KMT2D: variants seen among roughly 807,000 people sequenced by gnomAD.
The protein encoded by KMT2D is lysine methyltransferase 2D.
KMT2D carries 55 observed loss-of-function variants against 512.7 expected under a neutral mutation model. That is an observed-to-expected ratio of 0.11 (90% CI 0.09 to 0.13). KMT2D has a LOEUF of 0.13. Among genes scored for constraint, KMT2D ranks in the 10% least tolerant of loss-of-function variants. The probability of loss-of-function intolerance (pLI) is 1.00; values close to 1 mark genes in which losing one functional copy is unlikely to be tolerated. For missense variants in KMT2D, 6,061 were observed against 7,127.9 expected (o/e 0.85, Z 5.39); for synonymous variants, 2,995 against 2,904.0 (o/e 1.03, Z -1.01).
At chr12:49,023,978 G>T (rs970019337) in intron 51 of KMT2D, 1 of 442,354 alleles carries the variant, frequency 2.3e-6, no homozygotes, top group Non-Finnish European at 4.5e-6. Context: ...TGTGACCTTT[G>T]CCTAGTCATT....
At position 49,028,874 on chromosome 12, in the gene KMT2D, C is replaced by G. The variant is rs1263198421; in HGVS notation, c.14336G>C (p.Gly4779Ala). 1 of 1,614,040 alleles carries G rather than the reference C, an allele frequency of 6.2e-7. No homozygotes were observed. The highest frequency in any genetic ancestry group is 8.5e-7 in the Non-Finnish European group (1 of 1,179,902). ...LPVTTWEKGKGSEVSVMLTVS... is the reference protein window; with the variant it reads ...LPVTTWEKGKASEVSVMLTVS... ...TGTGAGCATGACTGACACCTCACTT[C>G]CTTTGCCCTTTTCCCAAGTTGTGAC... Residue 4779 changes from glycine to alanine, a missense_variant, in exon 46 of 55, where the codon GGA (glycine) becomes GCA (alanine). Transcript: ENST00000301067.
intron 23 of KMT2D, 34 bp downstream of exon 23, chr12:49,043,834 A>G (rs1459455769): frequency 1.2e-6 from 2 of 1,613,944 alleles, no homozygotes; most frequent in East Asian, 4.5e-5. Context: ...CAGGGCACAG[A>G]CACCTCCCTC....
rs554252668 is a variant in KMT2D, at chr12:49,052,207, C to T, written c.1476G>A (p.Ser492=). ...ACTCCTCAGGCGGCGGAGAGAGGGG[C>T]GATTCCTCCAGCGGCCGGGACAGGT... is the stretch of plus-strand genomic sequence containing the variant. The part of the protein sequence containing the change: ...ALHLSRPLEE[S]PLSPPPEESP... The change falls in exon 11 of 55, where the codon TCG becomes TCA. Residue 492 remains serine, a synonymous_variant. Coordinates refer to ENST00000301067, the MANE Select transcript of KMT2D (RefSeq NM_003482.4). 13 of 1,611,646 alleles carry T rather than the reference C, an allele frequency of 8.1e-6. No homozygotes were observed. The highest frequency in any genetic ancestry group is 3.3e-5 in the South Asian group (3 of 90,954).
rs768695414 is a variant in KMT2D at position 49,022,748 on chromosome 12, C to T, written c.16180G>A (p.Glu5394Lys). 1.2e-6 allele frequency: 2 copies of T among 1,613,998 alleles called. No homozygotes were observed. Among genetic ancestry groups the T allele is most frequent in the Non-Finnish European group, 8.5e-7 (1 of 1,179,888 alleles). Residue 5394 changes from glutamate (E) to lysine (K), a missense_variant, in exon 52 of 55, where the codon GAA (glutamate) becomes AAA (lysine). By Grantham distance (56) the Glu-to-Lys change is moderately conservative. Around this residue, in one of 16 missense-constraint regions of KMT2D, gnomAD observed 261 missense variants for 440.7 expected, o/e 0.59. Transcript: ENST00000301067. The surrounding 1 kb of genome is among the most constrained non-coding windows in gnomAD (Gnocchi z 8.6). ...KSSQYRRLRT[E>K]WKNNVYLARS... The stretch of plus-strand genomic sequence containing the variant: ...GCCAGGTACACGTTGTTCTTCCATT[C>T]GGTGCGCAGCCGCCGGTACTGAGAT...
At chr12:49,029,677 GTTTTTTTTT>G (rs33963995) in intron 43 of KMT2D, among the ~76,000 whole-genome samples, 2 of 132,102 alleles carry the variant, frequency 1.5e-5, no homozygotes, top group Non-Finnish European at 1.6e-5. Flanking sequence ...TGTTTTTTTT[GTTTTTTTTT>G]TTTTTTTCCC....
At position 49,028,124 on chromosome 12, in the gene KMT2D, C is replaced by T. The variant is rs2120379530; in HGVS notation, c.14400G>A (p.Met4800Ile). 1 of 1,614,012 alleles carries T rather than the reference C, an allele frequency of 6.2e-7. No homozygotes were observed. Among genetic ancestry groups the T allele is most frequent in the Non-Finnish European group, 8.5e-7 (1 of 1,179,898 alleles). ...AAAAKNLNGV[M>I]VAVAELLSMK... ...TGCTCAGCAGCTCCGCCACTGCCAC[C>T]ATCACGCCATTCAGGTTCTGCCAGG... The change falls in exon 47 of 55, where the codon ATG becomes ATA. Residue 4800 changes from methionine (M) to isoleucine (I), a missense_variant. Coordinates refer to ENST00000301067, the MANE Select transcript of KMT2D (RefSeq NM_003482.4).
In KMT2D at chr12:49,042,621, G is replaced by C. The variant is rs751183371; in HGVS notation, c.5807C>G (p.Pro1936Arg). The change falls in exon 28 of 55, where the codon CCC becomes CGC. Residue 1936 changes from proline to arginine, a missense_variant. By Grantham distance (103) the Pro-to-Arg change is moderately radical. Around this residue, in one of 16 missense-constraint regions of KMT2D, gnomAD observed 640 missense variants for 814.3 expected, o/e 0.79. Transcript: ENST00000301067. The surrounding 1 kb of genome is among the most constrained non-coding windows in gnomAD (Gnocchi z 4.4). ...LQGGLPLGNLPSSSPMDSYPG... is the reference protein window; with the variant it reads ...LQGGLPLGNLRSSSPMDSYPG... ...GTAGGAGTCCATTGGGCTGCTGGAG[G>C]GCAGATTGCCCAAAGGGAGTCCACC... 3.1e-6 allele frequency: 5 copies of C among 1,613,660 alleles called. No individual in the cohort carries two copies. Among genetic ancestry groups the C allele is most frequent in the African/African-American group, 2.7e-5 (2 of 74,898 alleles).
In KMT2D at chr12:49,040,267, C is replaced by G. The variant is rs565210702; in HGVS notation, c.7503G>C (p.Gly2501=). The change falls in exon 32 of 55, where the codon GGG becomes GGC. Residue 2501 remains glycine (G), a synonymous_variant. Coordinates refer to ENST00000301067, the MANE Select transcript of KMT2D (RefSeq NM_003482.4). ...AGGFPAALPA[G]PAGELHAKVP... ...CCTTGGCATGGAGCTCACCTGCTGG[C>G]CCCGCGGGCAGGGCTGCTGGGAACC... is the stretch of plus-strand genomic sequence containing the variant. The G allele has an allele frequency of 6.2e-7, 1 of 1,610,390 alleles. No homozygotes were observed. The highest frequency in any genetic ancestry group is 8.5e-7 in the Non-Finnish European group (1 of 1,178,080).
Position 49,045,921 on chromosome 12 carries a change from T to G in KMT2D, c.4740A>C (p.Pro1580=). Residue 1580 remains proline, a splice_region_variant and synonymous_variant, in exon 19 of 55, where the codon CCA becomes CCC. Transcript: ENST00000301067. Reference sequence around the variant, plus strand: ...GCATTCAAAATTTCTGTGACTCACCTGGCTCTTTCACCTTCATGGGCACCA... The same window carrying G: ...GCATTCAAAATTTCTGTGACTCACCGGGCTCTTTCACCTTCATGGGCACCA... ...PELVPMKVKE[P]EPQYFRFEGV... 1 of 1,613,602 alleles carries G rather than the reference T, an allele frequency of 6.2e-7. No homozygotes were observed. The highest frequency in any genetic ancestry group is 1.7e-4 in the Middle Eastern group (1 of 6,060).
In KMT2D at chr12:49,039,256, G is replaced by A. The variant is rs1418364410; in HGVS notation, c.8332C>T (p.Pro2778Ser). Residue 2778 changes from proline (P) to serine (S), a missense_variant, in exon 34 of 55, where the codon CCA (proline) becomes TCA (serine). Coordinates refer to ENST00000301067, the MANE Select transcript of KMT2D (RefSeq NM_003482.4). The surrounding 1 kb of genome is among the most constrained non-coding windows in gnomAD (Gnocchi z 5.0). ...SDDRLSRPPP[P>S]ATPSSMDVNS... Reference sequence around the variant, plus strand: ...ACATCCATAGAGGAAGGCGTGGCTGGTGGAGGTGGCCGGGAGAGTCGGTCA... The same window carrying A: ...ACATCCATAGAGGAAGGCGTGGCTGATGGAGGTGGCCGGGAGAGTCGGTCA... 1.2e-6 allele frequency: 2 copies of A among 1,613,760 alleles called. No individual in the cohort carries two copies. Among genetic ancestry groups the A allele is most frequent in the Non-Finnish European group, 1.7e-6 (2 of 1,179,886 alleles).
At position 49,027,225 on chromosome 12, in the gene KMT2D, G is replaced by C; in HGVS notation, c.14741C>G (p.Pro4914Arg). The C allele has an allele frequency of 6.5e-7, 1 of 1,546,656 alleles. No individual in the cohort carries two copies. Among genetic ancestry groups the C allele is most frequent in the Middle Eastern group, 1.8e-4 (1 of 5,664 alleles). ...RQLSAPPPEEPSPPPSPLAPS... is the reference protein window; with the variant it reads ...RQLSAPPPEERSPPPSPLAPS... ...TGCCAAGGGGGAAGGGGGCGGGGAGGGTTCTTCAGGAGGTGGGGCCGAGAG... is the reference window on the plus strand; with the variant it reads ...TGCCAAGGGGGAAGGGGGCGGGGAGCGTTCTTCAGGAGGTGGGGCCGAGAG... Residue 4914 changes from proline to arginine, a missense_variant, in exon 49 of 55, where the codon CCC (proline) becomes CGC (arginine). Pro to Arg is a moderately radical substitution (Grantham distance 103). Around this residue, in one of 16 missense-constraint regions of KMT2D, gnomAD observed 1,600 missense variants for 1,754.9 expected, o/e 0.91. Transcript: ENST00000301067.
At position 49,030,394 on chromosome 12, in the gene KMT2D, T is replaced by A; in HGVS notation, c.13885A>T (p.Thr4629Ser). ...PPTPPSSLPP[T>S]PPPSVQQKMV... The stretch of plus-strand genomic sequence containing the variant: ...TTCTGCTGCACCGATGGGGGTGGGG[T>A]GGGGGGCAGCGACGAGGGTGGTGTC... Residue 4629 changes from threonine (T) to serine (S), a missense_variant, in exon 43 of 55, where the codon ACC (threonine) becomes TCC (serine). Around this residue, in one of 16 missense-constraint regions of KMT2D, gnomAD observed 1,600 missense variants for 1,754.9 expected, o/e 0.91. Transcript: ENST00000301067. 1.2e-6 allele frequency: 1 copy of A among 866,464 alleles called. No individual in the cohort carries two copies. The highest frequency in any genetic ancestry group is 1.7e-6 in the Non-Finnish European group (1 of 578,466). The allele number at this position is 866,464 out of a possible 1,614,324, so 53.7% of individuals were successfully genotyped here.
rs2137715807 is a variant in KMT2D, at chr12:49,026,393, C to A, written c.15573G>T (p.Leu5191=). Residue 5191 remains leucine, a synonymous_variant, in exon 49 of 55, where the codon CTG becomes CTT. Coordinates refer to ENST00000301067, the MANE Select transcript of KMT2D (RefSeq NM_003482.4). The surrounding 1 kb of genome is among the most constrained non-coding windows in gnomAD (Gnocchi z 9.6). ...GAAAGTCAGCCATCTGGTGAGGCAG[C>A]AGCTGTCCGATGGCGTGGAACACAA... is the stretch of plus-strand genomic sequence containing the variant. The part of the protein sequence containing the change: ...GGLVFHAIGQ[L]LPHQMADFHS... 1 of 1,613,532 alleles carries A rather than the reference C, an allele frequency of 6.2e-7. No homozygotes were observed. The highest frequency in any genetic ancestry group is 1.1e-5 in the South Asian group (1 of 91,084).
chr12:49,032,117 C>T lies in KMT2D; in HGVS notation c.12588G>A (p.Gln4196=), dbSNP rs2120428416. The change falls in exon 40 of 55, where the codon CAG becomes CAA. Residue 4196 remains glutamine (Q), a synonymous_variant. Coordinates refer to ENST00000301067, the MANE Select transcript of KMT2D (RefSeq NM_003482.4). ...GGACTCCTTGGAGCTGTGCTCGAAG[C>T]TGACCCACCGTAGGCATGATTCCAA... The part of the protein sequence containing the change: ...PGVGIMPTVG[Q]LRAQLQGVLA... The T allele has an allele frequency of 1.9e-6, 3 of 1,613,898 alleles. No individual in the cohort carries two copies. The highest frequency in any genetic ancestry group is 2.2e-5 in the East Asian group (1 of 44,888).
Position 49,024,876 on chromosome 12 carries a change from A to C in KMT2D, c.15855T>G (p.Pro5285=), listed in dbSNP as rs775870851. ...AGAGCTCCTCGCCCTTCAGATACTC[A>C]GGGAAGAGTCGCAGCATGTCAGCCT... The part of the protein sequence containing the change: ...RKEADMLRLF[P]EYLKGEELFG... Residue 5285 remains proline (P), a synonymous_variant, in exon 50 of 55, where the codon CCT becomes CCG. Coordinates refer to ENST00000301067, the MANE Select transcript of KMT2D (RefSeq NM_003482.4). The surrounding 1 kb of genome is among the most constrained non-coding windows in gnomAD (Gnocchi z 4.5). 5 of 1,608,980 alleles carry C rather than the reference A, an allele frequency of 3.1e-6. No individual in the cohort carries two copies. The Admixed American group carries it at 6.7e-5, about 22-fold the overall frequency.
At position 49,024,936 on chromosome 12, in the gene KMT2D, A is replaced by T. The variant is rs2137712098; in HGVS notation, c.15795T>A (p.Asn5265Lys). 6.3e-7 allele frequency: 1 copy of T among 1,593,396 alleles called. No individual in the cohort carries two copies. Among genetic ancestry groups the T allele is most frequent in the South Asian group, 1.1e-5 (1 of 87,700 alleles). The change falls in exon 50 of 55, where the codon AAT becomes AAA. Residue 5265 changes from asparagine (N) to lysine (K), a missense_variant. Coordinates refer to ENST00000301067, the MANE Select transcript of KMT2D (RefSeq NM_003482.4). This position sits in a 1 kb window ranked among gnomAD's most constrained non-coding sequence, Gnocchi z 4.5. ...TGGCAGCCACAGGCTCAATGATGCGATTCCACACGGCTAAGAAGCAGGGAA... is the reference window on the plus strand; with the variant it reads ...TGGCAGCCACAGGCTCAATGATGCGTTTCCACACGGCTAAGAAGCAGGGAA... ...FTDASPQAVW[N>K]RIIEPVAAMR...
In KMT2D at chr12:49,041,524, G is replaced by A. The variant is rs1943530548; in HGVS notation, c.6246C>T (p.Ser2082=). ...CCACCTTGGTCTGCTTGTTGATCTG[G>A]CTCTCAGCCTGCTACAGGGGGAGAC... ...RINKVQKQAE[S]QINKQTKVGD... Residue 2082 remains serine, a synonymous_variant, in exon 32 of 55, where the codon AGC becomes AGT. Coordinates refer to ENST00000301067, the MANE Select transcript of KMT2D (RefSeq NM_003482.4). The surrounding 1 kb of genome is among the most constrained non-coding windows in gnomAD (Gnocchi z 5.4). The A allele has an allele frequency of 3.1e-6, 5 of 1,613,458 alleles. No homozygotes were observed. The highest frequency in any genetic ancestry group is 1.7e-4 in the Middle Eastern group (1 of 6,052).
Position 49,040,307 on chromosome 12 carries a change from G to A in KMT2D, c.7463C>T (p.Ser2488Leu), listed in dbSNP as rs779629382. ...AFKAGSLAHT[S>L]LGAGGFPAAL... ...TGCTGGGAACCCCCCAGCCCCCAGC[G>A]AAGTGTGGGCTAGAGACCCAGCCTT... Residue 2488 changes from serine (S) to leucine (L), a missense_variant, in exon 32 of 55, where the codon TCG (serine) becomes TTG (leucine). Ser to Leu is a moderately radical substitution (Grantham distance 145). Transcript: ENST00000301067. The A allele has an allele frequency of 6.9e-6, 11 of 1,590,874 alleles. No individual in the cohort carries two copies. The African/African-American group carries it at 9.4e-5, about 14-fold the overall frequency.
At position 49,027,814 on chromosome 12, in the gene KMT2D, G is replaced by A. The variant is rs1942680333; in HGVS notation, c.14632C>T (p.Leu4878Phe). The change falls in exon 48 of 55, where the codon CTC (leucine) becomes TTC (phenylalanine). Residue 4878 changes from leucine (L) to phenylalanine (F), a missense_variant. Leu to Phe is a conservative substitution (Grantham distance 22, BLOSUM62 0). Around this residue, in one of 16 missense-constraint regions of KMT2D, gnomAD observed 1,600 missense variants for 1,754.9 expected, o/e 0.91. Transcript: ENST00000301067. ...TLKSQLDILS[L>F]LKQESPAPEP... ...TCCCCCAGACCTACCTGTTTCAGGA[G>A]GCTCAAGATGTCTAGTTGGCTCTTC... 5 of 1,568,996 alleles carry A rather than the reference G, an allele frequency of 3.2e-6. No homozygotes were observed. In the African/African-American group the frequency reaches 6.8e-5, roughly 21 times the overall value.
Sources: allele counts gnomAD v4.1 joint callset (sites outside exome capture counted in the v4.1 genomes callset), GRCh38; gene constraint gnomAD v4.1.1; regional missense constraint gnomAD v4.1.1; non-coding constraint Gnocchi (gnomAD v3.1); transcripts MANE v1.5; gene names NCBI Gene and HGNC (gene_info 2026-07-23, HGNC 2026-07-21).